The following SNX7 variants were observed in gnomAD, a reference collection of about 807,000 sequenced individuals.
SNX7 encodes sorting nexin-7.
SNX7 carries 35 observed loss-of-function variants against 48.4 expected under a neutral mutation model. That is an observed-to-expected ratio of 0.72 (90% confidence interval 0.55 to 0.96). The LOEUF (loss-of-function observed/expected upper bound fraction) is 0.96. Among genes scored for constraint, SNX7 ranks in the 40% least tolerant of loss-of-function variants. The probability of loss-of-function intolerance (pLI) is 0.00; values close to 1 mark genes in which losing one functional copy is unlikely to be tolerated. For missense variants in SNX7, 553 were observed against 548.9 expected, an observed-to-expected ratio of 1.01 and a Z score of -0.07; for synonymous variants, 190 against 190.2, an observed-to-expected ratio of 1.00 and a Z score of 0.01.
intron 8 of SNX7, among the ~76,000 whole-genome samples, chr1:98,741,627 C>T (rs1481805515): frequency 6.6e-6 from 1 of 152,088 alleles, no homozygotes; most frequent in Admixed American, 6.6e-5. Context: ...TCCATTTGAG[C>T]AGGGTGAATG....
Position 98,752,697 on chromosome 1 carries a change from A to G in SNX7, c.1279-7357A>G, listed in dbSNP as rs572411044. 5.3e-5 allele frequency among the ~76,000 whole-genome samples: 8 copies of G among 152,138 alleles called. No individual in the cohort carries two copies. In the South Asian group the frequency reaches 1.7e-3, roughly 32 times the overall value. Reference sequence around the variant, plus strand: ...ATTCCTTCTCTATAGAGTCATCTGCATTTTCTGAGCACTTACCATATTCCT... The same window carrying G: ...ATTCCTTCTCTATAGAGTCATCTGCGTTTTCTGAGCACTTACCATATTCCT... On this transcript the variant is annotated intron_variant, in intron 8 of 8. Transcript: ENST00000306121.
At chr1:98,713,679 T>A (rs1184951129) in intron 7 of SNX7, among the ~76,000 whole-genome samples, 1 of 152,166 alleles carries the variant, frequency 6.6e-6, no homozygotes, top group Non-Finnish European at 1.5e-5. Flanking sequence ...TAAAAGCCAT[T>A]GTAGGGTTAT....
intron 7 of SNX7, among the ~76,000 whole-genome samples, chr1:98,734,651 G>GT (rs1217424424): frequency 6.6e-6 from 1 of 152,080 alleles, no homozygotes; most frequent in Non-Finnish European, 1.5e-5. Flanking sequence ...TGCTGTTACT[G>GT]TTACTATAGA....
At chr1:98,663,569 C>T (rs902878415) in intron 1 of SNX7, among the ~76,000 whole-genome samples, 8 of 151,862 alleles carry the variant, frequency 5.3e-5, no homozygotes, top group Non-Finnish European at 1.0e-4. Flanking sequence ...TTGCTGGAGT[C>T]GCAGATGTTC....
intron 4 of SNX7, among the ~76,000 whole-genome samples, chr1:98,693,177 GAT>G (rs1363183958): frequency 5.1e-4 from 1 of 1,974 alleles, no homozygotes; most frequent in Non-Finnish European, 5.0e-3. Flanking sequence ...AATGGAGATG[GAT>G]GGATGGATGG....
At chr1:98,698,433 G>A (rs1651570954) in intron 5 of SNX7, among the ~76,000 whole-genome samples, 1 of 152,046 alleles carries the variant, frequency 6.6e-6, no homozygotes, top group Non-Finnish European at 1.5e-5. Context: ...AGATATGATG[G>A]TCATATAATT....
chr1:98,666,245 G>A lies in SNX7; in HGVS notation c.180+4334G>A, dbSNP rs114985808. On this transcript the variant is annotated intron_variant, in intron 1 of 8. Coordinates refer to ENST00000306121, the MANE Select transcript of SNX7 (RefSeq NM_015976.5). Reference sequence around the variant, plus strand: ...AGTTAGTGAACAAACAAGGAATACTGAGGCATTTAGAGAGTTGTAGTGGGA... The same window carrying A: ...AGTTAGTGAACAAACAAGGAATACTAAGGCATTTAGAGAGTTGTAGTGGGA... Among the ~76,000 whole-genome samples, 1,200 of 152,282 alleles carry A rather than the reference G, an allele frequency of 7.9e-3. 15 individuals are homozygous for A. Among genetic ancestry groups the A allele is most frequent in the African/African-American group, 0.028 (1,160 of 41,544 alleles).
At position 98,695,525 on chromosome 1, in the gene SNX7, C is replaced by T. The variant is rs757467199; in HGVS notation, c.647C>T (p.Ser216Phe). 4.9e-5 allele frequency: 79 copies of T among 1,613,352 alleles called. No individual in the cohort carries two copies. The highest frequency in any genetic ancestry group is 6.3e-5 in the Non-Finnish European group (74 of 1,179,848). Residue 216 changes from serine (S) to phenylalanine (F), a missense_variant, in exon 5 of 9, where the codon TCT (serine) becomes TTT (phenylalanine). Transcript: ENST00000306121. ...IFLTAQAWEL[S>F]SHKKQGPGLL... ...TTGGTTTTTTGTTTCTAGGAACTCT[C>T]TTCTCACAAGAAGCAAGGTCCTGGC...
chr1:98,719,470 C>G (rs917381842), intron 7 of SNX7, among the ~76,000 whole-genome samples: 1 of 152,066 alleles, frequency 6.6e-6, no homozygotes, highest in Admixed American at 6.6e-5. Flanking sequence ...TGGGGTTAAG[C>G]ATTGCTTTAT....
Position 98,760,314 on chromosome 1 carries a change from G to T in SNX7, c.*183G>T. 1.7e-6 allele frequency: 1 copy of T among 571,680 alleles called. No individual in the cohort carries two copies. The highest frequency in any genetic ancestry group is 3.1e-6 in the Non-Finnish European group (1 of 320,098). The allele number at this position is 571,680 out of a possible 1,614,324, so 35.4% of individuals were successfully genotyped here. ...CATGAATTTGAAGATATATCTATCT[G>T]TATGGATATATATCTATATGTATAT... On this transcript the variant is annotated 3_prime_UTR_variant, in exon 9 of 9. Transcript: ENST00000306121.
chr1:98,661,659 G>A (rs534756399), upstream of SNX7: 7 of 1,162,554 alleles, frequency 6.0e-6, no homozygotes, highest in South Asian at 1.7e-4. Context: ...AGGAGACGTG[G>A]GAGCCAATGG....
At chr1:98,674,767 G>A (rs1650066269) in intron 1 of SNX7, among the ~76,000 whole-genome samples, 1 of 152,136 alleles carries the variant, frequency 6.6e-6, no homozygotes, top group South Asian at 2.1e-4. Context: ...TTTCAGTTAA[G>A]TTATTTAAGT....
Position 98,717,554 on chromosome 1 carries a change from C to G in SNX7, c.1125+15651C>G, listed in dbSNP as rs147600644. ...CAGAACAATCCTCAGAAAATACTTA[C>G]CAACATGCTTCAAATAATTAATACC... On this transcript the variant is annotated intron_variant, in intron 7 of 8. Transcript: ENST00000306121. Among the ~76,000 whole-genome samples the G allele has an allele frequency of 2.3e-4, 35 of 152,244 alleles. 1 individual carries two copies. The highest frequency in any genetic ancestry group is 7.9e-4 in the African/African-American group (33 of 41,564).
chr1:98,684,367 G>A (rs1650666766), intron 1 of SNX7, among the ~76,000 whole-genome samples: 1 of 152,158 alleles, frequency 6.6e-6, no homozygotes, highest in African/African-American at 2.4e-5. Flanking sequence ...TGGAGGCTGG[G>A]AAGTTCAAGA....
intron 7 of SNX7, among the ~76,000 whole-genome samples, chr1:98,732,676 T>C (rs1364526389): frequency 6.6e-6 from 1 of 152,074 alleles, no homozygotes; most frequent in Non-Finnish European, 1.5e-5. Context: ...GTCAAGAGCA[T>C]CCATAATTGA....
intron 2 of SNX7, among the ~76,000 whole-genome samples, chr1:98,687,827 A>G (rs1453129774): frequency 6.6e-6 from 1 of 152,152 alleles, no homozygotes; most frequent in East Asian, 1.9e-4. Context: ...GGGAAGCAAG[A>G]CACATCTTAC....
chr1:98,703,439 A>G (rs561517535), intron 7 of SNX7, among the ~76,000 whole-genome samples: 1 of 152,234 alleles, frequency 6.6e-6, no homozygotes, highest in East Asian at 1.9e-4. Flanking sequence ...ATTAACTGAA[A>G]TTCTGTTCTC....
In SNX7 at chr1:98,678,895, C is replaced by A. The variant is rs1348306800; in HGVS notation, c.181-5990C>A. On this transcript the variant is annotated intron_variant, in intron 1 of 8. Coordinates refer to ENST00000306121, the MANE Select transcript of SNX7 (RefSeq NM_015976.5). ...TTGAAAAATAAAAAATAGCAGTATA[C>A]ATATATACACTAATATAGTTTGGAG... Among the ~76,000 whole-genome samples the A allele has an allele frequency of 2.0e-5, 3 of 151,996 alleles. No homozygotes were observed. In the East Asian group the frequency reaches 5.8e-4, roughly 29 times the overall value.
At chr1:98,663,253 G>GTTTTTTTTTTTTTTTTTTTT (rs61588201) in intron 1 of SNX7, among the ~76,000 whole-genome samples, 1 of 41,508 alleles carries the variant, frequency 2.4e-5, no homozygotes, top group African/African-American at 7.5e-5. Flanking sequence ...TTTCTTTCTG[G>GTTTTTTTTTTTTTTTTTTTT]TTTTTTTTTT....
Sources: gnomAD v4.1 joint callset for allele counts (sites outside exome capture counted in the v4.1 genomes callset) on GRCh38, gnomAD v4.1.1 for gene constraint, MANE v1.5 for transcripts, NCBI Gene and HGNC (gene_info 2026-07-23, HGNC 2026-07-21) for gene names.